WDR25: variants seen among roughly 807,000 people sequenced by gnomAD.
The protein encoded by WDR25 is WD repeat-containing protein 25.
A neutral mutation model predicts 47.7 loss-of-function variants in WDR25; 35 were observed. The observed-to-expected ratio is 0.73, with a 90% CI of 0.56 to 0.97. The LOEUF (loss-of-function observed/expected upper bound fraction) is 0.97, where lower values mean the gene tolerates loss of function less well. Among genes scored for constraint, WDR25 ranks in the 50% least tolerant of loss-of-function variants. The probability of loss-of-function intolerance (pLI) is 0.00; values close to 1 mark genes in which losing one functional copy is unlikely to be tolerated. For synonymous variants in WDR25, 248 were observed against 278.9 expected, an observed-to-expected ratio of 0.89 and a Z score of 1.10; for missense variants, 634 against 704.7, an observed-to-expected ratio of 0.90 and a Z score of 1.14.
At chr14:100,476,217 A>T (rs539103544) in intron 3 of WDR25, among the ~76,000 whole-genome samples, 2 of 152,358 alleles carry the variant, frequency 1.3e-5, no homozygotes, top group African/African-American at 2.4e-5. Context: ...GGGAATGTTC[A>T]GATGCAGGCC....
intron 2 of WDR25, among the ~76,000 whole-genome samples, chr14:100,419,217 A>AT (rs1897960656): frequency 6.9e-6 from 1 of 145,508 alleles, no homozygotes; most frequent in Non-Finnish European, 1.5e-5. Flanking sequence ...ACAAGACTCC[A>AT]TCACAAAAAA....
intron 2 of WDR25, among the ~76,000 whole-genome samples, chr14:100,451,278 G>T (rs994283325): frequency 1.4e-5 from 2 of 143,696 alleles, no homozygotes; most frequent in Admixed American, 7.1e-5. Flanking sequence ...GTCTCACTTT[G>T]TCACCCAGGC....
chr14:100,401,337 T>C (rs1339995050), intron 2 of WDR25, among the ~76,000 whole-genome samples: 1 of 152,208 alleles, frequency 6.6e-6, no homozygotes, highest in East Asian at 1.9e-4. Context: ...AGGCATTTCC[T>C]TGCTTATCAC....
Position 100,407,877 on chromosome 14 carries a change from C to A in WDR25, c.822+26131C>A, listed in dbSNP as rs569387613. The stretch of plus-strand genomic sequence containing the variant: ...GTGTATTGTCTGTGAGTGTGCTGGG[C>A]TCCCAGACACATATGTCACAGTGAG... On this transcript the variant is annotated intron_variant, in intron 2 of 6. Coordinates refer to ENST00000402312, the MANE Select transcript of WDR25 (RefSeq NM_001161476.3). This position sits in a 1 kb window ranked among gnomAD's most constrained non-coding sequence, Gnocchi z 4.1. Among the ~76,000 whole-genome samples the A allele has an allele frequency of 1.3e-5, 2 of 152,132 alleles. No individual in the cohort carries two copies. The highest frequency in any genetic ancestry group is 2.9e-5 in the Non-Finnish European group (2 of 68,024).
intron 2 of WDR25, among the ~76,000 whole-genome samples, chr14:100,457,634 G>A (rs1899247766): frequency 6.6e-6 from 1 of 152,216 alleles, no homozygotes; most frequent in Non-Finnish European, 1.5e-5. Context: ...GGAATAATGA[G>A]CACTAGAAAT....
At chr14:100,510,130 C>T (rs1033184530) in intron 4 of WDR25, among the ~76,000 whole-genome samples, 1 of 151,550 alleles carries the variant, frequency 6.6e-6, no homozygotes, top group Non-Finnish European at 1.5e-5. Flanking sequence ...AATAGCTGGG[C>T]GTGGTGGCGT....
Position 100,502,667 on chromosome 14 carries a change from C to T in WDR25, c.1101+18543C>T, listed in dbSNP as rs1383303192. Among the ~76,000 whole-genome samples the T allele has an allele frequency of 6.6e-6, 1 of 152,208 alleles. No homozygotes were observed. Among genetic ancestry groups the T allele is most frequent in the Non-Finnish European group, 1.5e-5 (1 of 68,040 alleles). ...TGGGGGAACATGAGGTCCCTCCCTG[C>T]ATGGCGAGGGGAGGAGTCAGTCTCC... On this transcript the variant is annotated intron_variant, in intron 4 of 6. Coordinates refer to ENST00000402312, the MANE Select transcript of WDR25 (RefSeq NM_001161476.3). This position sits in a 1 kb window ranked among gnomAD's most constrained non-coding sequence, Gnocchi z 4.5.
At chr14:100,447,038 C>T (rs1898859180) in intron 2 of WDR25, among the ~76,000 whole-genome samples, 1 of 152,212 alleles carries the variant, frequency 6.6e-6, no homozygotes, top group African/African-American at 2.4e-5. Context: ...ATTTCATGCT[C>T]ATTGAAGTAA....
chr14:100,405,502 G>A (rs769961464), intron 2 of WDR25, among the ~76,000 whole-genome samples: 2 of 152,246 alleles, frequency 1.3e-5, no homozygotes, highest in African/African-American at 4.8e-5. Flanking sequence ...CTAGGATGGG[G>A]CTGGGGTGCA....
At chr14:100,412,896 C>A (rs1018832892) in intron 2 of WDR25, among the ~76,000 whole-genome samples, 1 of 152,194 alleles carries the variant, frequency 6.6e-6, no homozygotes, top group Admixed American at 6.5e-5. Flanking sequence ...GTGGCGCGAT[C>A]TTGGCTCACT....
intron 4 of WDR25, among the ~76,000 whole-genome samples, chr14:100,516,365 T>C (rs1013829413): frequency 2.0e-5 from 3 of 152,236 alleles, no homozygotes; most frequent in African/African-American, 7.2e-5. Flanking sequence ...ATTGTTTTGC[T>C]TATTCTCTTT....
At chr14:100,477,967 C>T (rs1243433189) in intron 3 of WDR25, among the ~76,000 whole-genome samples, 1 of 152,094 alleles carries the variant, frequency 6.6e-6, no homozygotes, top group African/African-American at 2.4e-5. Context: ...TAGCAGGCAC[C>T]TGTAGTCCCA....
rs535968603 is a variant in WDR25, at chr14:100,389,501, A to AC, written c.822+7759dup. On this transcript the variant is annotated intron_variant, in intron 2 of 6. Coordinates refer to ENST00000402312, the MANE Select transcript of WDR25 (RefSeq NM_001161476.3). ...CCAGATGAACACAGCTCTCATGCGGACCCCTCATATACTGGGGGGAGTGGA... is the reference window on the plus strand; with the variant it reads ...CCAGATGAACACAGCTCTCATGCGGACCCCCTCATATACTGGGGGGAGTGGA... Among the ~76,000 whole-genome samples the AC allele has an allele frequency of 1.0e-3, 157 of 152,068 alleles. 1 individual carries two copies. Among genetic ancestry groups the AC allele is most frequent in the Middle Eastern group, 6.8e-3 (2 of 294 alleles).
intron 2 of WDR25, among the ~76,000 whole-genome samples, chr14:100,444,815 G>C (rs1467091729): frequency 6.6e-6 from 1 of 152,222 alleles, no homozygotes; most frequent in Non-Finnish European, 1.5e-5. Flanking sequence ...CGCTCTCTTG[G>C]CAGCAGGCAG....
chr14:100,525,831 T>C lies in WDR25; in HGVS notation c.1102-39T>C. On this transcript the variant is annotated intron_variant, in intron 4 of 6. Transcript: ENST00000402312. This position sits in a 1 kb window ranked among gnomAD's most constrained non-coding sequence, Gnocchi z 4.6. Reference sequence around the variant, plus strand: ...TCCCTGCATAGGCGCCTGTCCGTGCTGCCAGGCCTGCCAGCATGACCGGTG... The same window carrying C: ...TCCCTGCATAGGCGCCTGTCCGTGCCGCCAGGCCTGCCAGCATGACCGGTG... The C allele has an allele frequency of 2.5e-6, 4 of 1,606,568 alleles. No homozygotes were observed. Among genetic ancestry groups the C allele is most frequent in the South Asian group, 1.1e-5 (1 of 90,690 alleles).
rs192948512 is a variant in WDR25 at position 100,499,796 on chromosome 14, C to T, written c.1101+15672C>T. Among the ~76,000 whole-genome samples the T allele has an allele frequency of 4.6e-5, 7 of 152,252 alleles. No homozygotes were observed. The highest frequency in any genetic ancestry group is 2.1e-4 in the South Asian group (1 of 4,826). ...GGAATGGGTCCCAGGGGGTGAAGTT[C>T]GCTGTGTTCTGCTTTGCTCCCAGTC... On this transcript the variant is annotated intron_variant, in intron 4 of 6. Transcript: ENST00000402312. The surrounding 1 kb of genome is among the most constrained non-coding windows in gnomAD (Gnocchi z 4.4).
At chr14:100,521,967 C>T (rs1386061155) in intron 4 of WDR25, among the ~76,000 whole-genome samples, 2 of 152,156 alleles carry the variant, frequency 1.3e-5, no homozygotes, top group Non-Finnish European at 2.9e-5. Context: ...ATTTGATAGG[C>T]AAGTAATGGT....
At chr14:100,414,058 C>T (rs1031901086) in intron 2 of WDR25, among the ~76,000 whole-genome samples, 8 of 150,406 alleles carry the variant, frequency 5.3e-5, no homozygotes, top group African/African-American at 2.0e-4. Flanking sequence ...TGCAGTGGTG[C>T]AATCTTGGCT....
At chr14:100,453,762 C>G (rs955156971) in intron 2 of WDR25, among the ~76,000 whole-genome samples, 2 of 152,038 alleles carry the variant, frequency 1.3e-5, no homozygotes, top group Admixed American at 6.5e-5. Flanking sequence ...GCCCCAGCCT[C>G]CAGCTCTCCA....
Sources: gnomAD v4.1 joint callset for allele counts (sites outside exome capture counted in the v4.1 genomes callset) on GRCh38, gnomAD v4.1.1 for gene constraint, Gnocchi (gnomAD v3.1) non-coding constraint, MANE v1.5 for transcripts, NCBI Gene and HGNC (gene_info 2026-07-23, HGNC 2026-07-21) for gene names.